AKAP12: variants seen among roughly 807,000 people sequenced by gnomAD.
The protein encoded by AKAP12 is A-kinase anchor protein 12.
Under a neutral mutation model 79.9 loss-of-function variants are expected in AKAP12, and 32 were observed. That is an observed-to-expected ratio of 0.40 (90% confidence interval 0.30 to 0.54). The LOEUF (loss-of-function observed/expected upper bound fraction) is 0.54. AKAP12 is among the 20% of genes least tolerant of loss of function. The pLI is 0.48. For missense variants in AKAP12, 2,074 were observed against 2,177.0 expected (o/e 0.95, Z 0.94); for synonymous variants, 808 against 857.0 (o/e 0.94, Z 1.00).
intron 3 of AKAP12, among the ~76,000 whole-genome samples, chr6:151,340,858 C>T (rs1038273225): frequency 6.6e-5 from 10 of 152,100 alleles, no homozygotes; most frequent in African/African-American, 2.4e-4. Context: ...TGATTGTTTC[C>T]TCGTGATTAG....
At chr6:151,243,209 CTTAGGAT>C (rs1797011149) in intron 2 of AKAP12, among the ~76,000 whole-genome samples, 1 of 152,302 alleles carries the variant, frequency 6.6e-6, no homozygotes, top group South Asian at 2.1e-4. Flanking sequence ...CCCTGAGTTA[CTTAGGAT>C]TACATCTTGA....
At chr6:151,354,382 T>A (rs1457950405) in intron 4 of AKAP12, among the ~76,000 whole-genome samples, 1 of 152,166 alleles carries the variant, frequency 6.6e-6, no homozygotes, top group Admixed American at 6.5e-5. Flanking sequence ...TTGTTTTGTT[T>A]TGTTTTCTTG....
At chr6:151,319,522 A>G (rs1447551225) in intron 3 of AKAP12, 2 of 80,224 alleles carry the variant, frequency 2.5e-5, no homozygotes, top group South Asian at 4.5e-4. Flanking sequence ...ATATATCTCT[A>G]TATAGATATA....
chr6:151,279,651 G>A (rs962357803), intron 2 of AKAP12, among the ~76,000 whole-genome samples: 1 of 151,984 alleles, frequency 6.6e-6, no homozygotes, highest in African/African-American at 2.4e-5. Flanking sequence ...ACTGCTCGGT[G>A]AGGCATTTAA....
intron 2 of AKAP12, among the ~76,000 whole-genome samples, chr6:151,241,027 G>A (rs1232881464): frequency 6.6e-6 from 1 of 152,176 alleles, no homozygotes; most frequent in Non-Finnish European, 1.5e-5. Flanking sequence ...GCCTTTCTGC[G>A]CACTCTTCCG....
intron 3 of AKAP12, among the ~76,000 whole-genome samples, chr6:151,333,593 AT>A (rs1777736525): frequency 6.6e-6 from 1 of 152,050 alleles, no homozygotes; most frequent in Non-Finnish European, 1.5e-5. Flanking sequence ...TCTACTAAAA[AT>A]TAGCTGGGCA....
chr6:151,268,765 C>T (rs1776108036), intron 2 of AKAP12, among the ~76,000 whole-genome samples: 1 of 152,046 alleles, frequency 6.6e-6, no homozygotes, highest in African/African-American at 2.4e-5. Flanking sequence ...GCCTCAGCCT[C>T]CTGAGTTAGT....
chr6:151,286,899 T>G (rs866809288), intron 2 of AKAP12, among the ~76,000 whole-genome samples: 12 of 152,096 alleles, frequency 7.9e-5, no homozygotes, highest in African/African-American at 2.7e-4. Context: ...GTCCCACAGT[T>G]GTTGGGGTGG....
rs751676800 is a variant in AKAP12, at chr6:151,352,742, T to C, written c.4351T>C (p.Leu1451=). The change falls in exon 4 of 5, where the codon TTA becomes CTA. Residue 1451 remains leucine, a synonymous_variant. Transcript: ENST00000402676. ...GETLEPAGAH[L]VLEEKSSEKN... The stretch of plus-strand genomic sequence containing the variant: ...AACGTTGGAGCCTGCAGGTGCACAT[T>C]TAGTTCTGGAAGAGAAATCCTCTGA... 1.2e-6 allele frequency: 2 copies of C among 1,614,140 alleles called. No homozygotes were observed. The highest frequency in any genetic ancestry group is 2.2e-5 in the South Asian group (2 of 91,068).
rs1303327962 is a variant in AKAP12, at chr6:151,332,033, G to GTTGTTTTTGTTTT, written c.320-16676_320-16675insGTTTTTGTTTTTT. On this transcript the variant is annotated intron_variant, in intron 3 of 4. Transcript: ENST00000402676. ...GAGTAGCACGTCCAGTTCTGGGTCT[G>GTTGTTTTTGTTTT]TTTTTTTTTTTTTTTTTTTTTGAGA... 2.9e-3 allele frequency among the ~76,000 whole-genome samples: 230 copies of GTTGTTTTTGTTTT among 79,660 alleles called. 46 individuals are homozygous for GTTGTTTTTGTTTT. The highest frequency in any genetic ancestry group is 7.1e-3 in the East Asian group (16 of 2,256). 52.3% of individuals were successfully genotyped at this position (79,660 alleles called of 152,430 possible). A position where few individuals can be genotyped will look rare whatever the true frequency, so the allele number is the denominator to read the frequency against.
At chr6:151,272,493 T>TGACA (rs1776205427) in intron 2 of AKAP12, among the ~76,000 whole-genome samples, 2 of 144,256 alleles carry the variant, frequency 1.4e-5, no homozygotes, top group Non-Finnish European at 3.0e-5. Context: ...TTTCATGAGA[T>TGACA]GATAGATAGA....
At chr6:151,344,691 G>A (rs374367385) in intron 3 of AKAP12, among the ~76,000 whole-genome samples, 2 of 152,018 alleles carry the variant, frequency 1.3e-5, no homozygotes, top group Admixed American at 6.6e-5. Context: ...CCGCCACTAC[G>A]CCTGGCTGGT....
chr6:151,265,393 T>A (rs1275362073), intron 2 of AKAP12, among the ~76,000 whole-genome samples: 1 of 152,240 alleles, frequency 6.6e-6, no homozygotes, highest in Non-Finnish European at 1.5e-5. Flanking sequence ...TTCATATGAC[T>A]GCTTAAAACT....
intron 3 of AKAP12, among the ~76,000 whole-genome samples, chr6:151,320,729 T>C (rs751249928): frequency 1.3e-5 from 2 of 152,188 alleles, no homozygotes; most frequent in Non-Finnish European, 2.9e-5. Context: ...CCTCCCGTCA[T>C]CACAGCCTGG....
chr6:151,347,076 G>T (rs1333600103), intron 3 of AKAP12, among the ~76,000 whole-genome samples: 1 of 152,144 alleles, frequency 6.6e-6, no homozygotes, highest in Non-Finnish European at 1.5e-5. Flanking sequence ...CATTGCACAT[G>T]AACACCCAAT....
In AKAP12 at chr6:151,351,615, A is replaced by C. The variant is rs776238571; in HGVS notation, c.3224A>C (p.Glu1075Ala). The C allele has an allele frequency of 1.2e-6, 2 of 1,614,174 alleles. No individual in the cohort carries two copies. Among genetic ancestry groups the C allele is most frequent in the South Asian group, 2.2e-5 (2 of 91,082 alleles). Residue 1075 changes from glutamate to alanine, a missense_variant, in exon 4 of 5, where the codon GAA becomes GCA. Transcript: ENST00000402676. The surrounding 1 kb of genome is among the most constrained non-coding windows in gnomAD (Gnocchi z 4.4). The stretch of plus-strand genomic sequence containing the variant: ...CAGCCTGTGCAGAGAGCAGAGGCAG[A>C]AAGACCAGAAGAGCAGGCTGAAGCG... ...VLQPVQRAEA[E>A]RPEEQAEASG...
chr6:151,353,066 G>A lies in AKAP12; in HGVS notation c.4675G>A (p.Asp1559Asn). 5.0e-6 allele frequency: 8 copies of A among 1,614,142 alleles called. No homozygotes were observed. The highest frequency in any genetic ancestry group is 6.8e-6 in the Non-Finnish European group (8 of 1,180,050). Residue 1559 changes from aspartate to asparagine, a missense_variant, in exon 4 of 5, where the codon GAC becomes AAC. Physicochemically the swap from Asp to Asn is conservative, Grantham distance 23. Around this residue, in one of 3 missense-constraint regions of AKAP12, gnomAD observed 614 missense variants for 665.6 expected, o/e 0.92. Coordinates refer to ENST00000402676, the MANE Select transcript of AKAP12 (RefSeq NM_005100.4). Reference protein sequence around the residue: ...LVQNIIQTAVDQFVRTEETAT... With the variant: ...LVQNIIQTAVNQFVRTEETAT... ...CCAAAACATCATCCAGACAGCCGTT[G>A]ACCAGTTTGTACGTACAGAAGAAAC... is the stretch of plus-strand genomic sequence containing the variant.
intron 3 of AKAP12, among the ~76,000 whole-genome samples, chr6:151,348,136 G>C (rs1778155923): frequency 6.7e-6 from 1 of 150,088 alleles, no homozygotes; most frequent in Non-Finnish European, 1.5e-5. Context: ...CTGGGTGACA[G>C]AGTGAGACTC....
intron 2 of AKAP12, among the ~76,000 whole-genome samples, chr6:151,267,310 A>T (rs1776069063): frequency 6.6e-6 from 1 of 152,244 alleles, no homozygotes; most frequent in Non-Finnish European, 1.5e-5. Context: ...CTTATGCCAT[A>T]TTAATAGAAA....
Sources: allele counts gnomAD v4.1 joint callset (sites outside exome capture counted in the v4.1 genomes callset), GRCh38; gene constraint gnomAD v4.1.1; regional missense constraint gnomAD v4.1.1; non-coding constraint Gnocchi (gnomAD v3.1); transcripts MANE v1.5; gene names NCBI Gene and HGNC (gene_info 2026-07-23, HGNC 2026-07-21).